GMDS: variants seen among roughly 807,000 people sequenced by gnomAD.
GMDS encodes the protein GDP-mannose 4,6-dehydratase, also known as GDP-mannose 4,6 dehydratase.
GMDS carries 20 observed loss-of-function variants against 49.9 expected under a neutral mutation model. The observed-to-expected ratio is 0.40, with a 90% CI of 0.28 to 0.58. The LOEUF (loss-of-function observed/expected upper bound fraction) is 0.58. Ranked by LOEUF, GMDS falls within the 20% of genes least tolerant of loss-of-function variation. The pLI is 0.42. For synonymous variants in GMDS, 177 were observed against 178.6 expected (o/e 0.99, Z 0.07); for missense variants, 362 against 481.4 (o/e 0.75, Z 2.32).
chr6:1,818,627 A>G lies in GMDS; in HGVS notation c.772-76041T>C, dbSNP rs1389459834. 2.6e-5 allele frequency among the ~76,000 whole-genome samples: 4 copies of G among 151,284 alleles called. No individual in the cohort carries two copies. In the East Asian group the frequency reaches 5.8e-4, roughly 22 times the overall value. ...TCATCTCAAAAAAAAAAAAAAAAAAAGTGAGCAAGGGGAGAAGAAAGGCTA... is the reference window on the plus strand; with the variant it reads ...TCATCTCAAAAAAAAAAAAAAAAAAGGTGAGCAAGGGGAGAAGAAAGGCTA... On this transcript the variant is annotated intron_variant, in intron 7 of 10. Coordinates refer to ENST00000380815, the MANE Select transcript of GMDS (RefSeq NM_001500.4).
intron 4 of GMDS, among the ~76,000 whole-genome samples, chr6:2,014,019 A>G (rs925788014): frequency 1.3e-5 from 2 of 150,080 alleles, no homozygotes; most frequent in African/African-American, 4.9e-5. Context: ...AGCTTGTCAA[A>G]AAACAAGCAA....
chr6:1,662,163 T>C (rs1764101445), intron 9 of GMDS, among the ~76,000 whole-genome samples: 1 of 152,104 alleles, frequency 6.6e-6, no homozygotes, highest in South Asian at 2.1e-4. Context: ...TTTACAGCAT[T>C]CACTTATTTA....
chr6:1,970,691 T>G (rs2628459), intron 4 of GMDS, among the ~76,000 whole-genome samples: 94,940 of 151,372 alleles, frequency 0.63, 29,810 homozygotes, highest in East Asian at 0.67. Flanking sequence ...CTGAGATGGT[T>G]ACAAAGTGTG....
chr6:1,808,155 G>A (rs1350229055), intron 7 of GMDS, among the ~76,000 whole-genome samples: 2 of 152,138 alleles, frequency 1.3e-5, no homozygotes, highest in East Asian at 3.9e-4. Context: ...AGTTCCTAAG[G>A]TGAGTCAGGT....
At chr6:2,063,481 GGAAA>G (rs1182568626) in intron 4 of GMDS, among the ~76,000 whole-genome samples, 8 of 152,020 alleles carry the variant, frequency 5.3e-5, no homozygotes, top group African/African-American at 1.7e-4. Flanking sequence ...CCTCATAATG[GGAAA>G]CTATGTAAAA....
chr6:2,168,193 T>C lies in GMDS; in HGVS notation c.103-43462A>G, dbSNP rs1777762615. Among the ~76,000 whole-genome samples the C allele has an allele frequency of 2.0e-5, 3 of 152,216 alleles. 1 individual carries two copies. The South Asian group carries it at 6.2e-4, about 32-fold the overall frequency. On this transcript the variant is annotated intron_variant, in intron 1 of 10. Coordinates refer to ENST00000380815, the MANE Select transcript of GMDS (RefSeq NM_001500.4). ...TCCCTTCCTTCCTCAGAAGGAAAGA[T>C]GTGTTAGCAACAGTCATGCTCCAAT...
At chr6:2,232,794 T>C (rs1338211683) in intron 1 of GMDS, among the ~76,000 whole-genome samples, 2 of 152,136 alleles carry the variant, frequency 1.3e-5, no homozygotes, top group African/African-American at 4.8e-5. Context: ...CTCATGCACA[T>C]CTCAGGCCTC....
chr6:1,639,817 G>A (rs1460700982), intron 9 of GMDS, among the ~76,000 whole-genome samples: 1 of 152,188 alleles, frequency 6.6e-6, no homozygotes, highest in Non-Finnish European at 1.5e-5. Context: ...GACAGAGGCT[G>A]CAGTGAGCCA....
At chr6:1,886,750 G>T (rs772976381) in intron 7 of GMDS, among the ~76,000 whole-genome samples, 18 of 152,224 alleles carry the variant, frequency 1.2e-4, no homozygotes, top group Non-Finnish European at 2.5e-4. Flanking sequence ...ATAAGAATTA[G>T]ATTTGACTCT....
chr6:2,059,338 A>G (rs1029374566), intron 4 of GMDS, among the ~76,000 whole-genome samples: 2 of 152,036 alleles, frequency 1.3e-5, no homozygotes, highest in African/African-American at 4.8e-5. Context: ...AATATTTCAC[A>G]GTTTTGCCTA....
intron 4 of GMDS, among the ~76,000 whole-genome samples, chr6:2,072,561 C>T (rs757818910): frequency 6.6e-6 from 1 of 152,086 alleles, no homozygotes; most frequent in African/African-American, 2.4e-5. Flanking sequence ...TTTGGGTGAC[C>T]AATTTCTGCA....
chr6:2,209,211 G>A (rs1779948957), intron 1 of GMDS, among the ~76,000 whole-genome samples: 1 of 152,150 alleles, frequency 6.6e-6, no homozygotes, highest in Non-Finnish European at 1.5e-5. Flanking sequence ...TAAATGATGG[G>A]AACCCAAAAT....
At position 1,927,287 on chromosome 6, in the gene GMDS, G is replaced by A. The variant is rs201049976; in HGVS notation, c.771+2816C>T. On this transcript the variant is annotated intron_variant, in intron 7 of 10. Transcript: ENST00000380815. ...GGTGTATTTTTATTCGGAGGGTAGC[G>A]TGTTGGTGTATTTTTATTCAGAGGG... Among the ~76,000 whole-genome samples, 71 of 13,828 alleles carry A rather than the reference G, an allele frequency of 5.1e-3. 1 individual carries two copies. Among genetic ancestry groups the A allele is most frequent in the African/African-American group, 0.016 (62 of 3,828 alleles). 9.1% of individuals were successfully genotyped at this position (13,828 alleles called of 152,430 possible).
At chr6:1,996,959 A>C (rs886571914) in intron 4 of GMDS, among the ~76,000 whole-genome samples, 4 of 152,034 alleles carry the variant, frequency 2.6e-5, no homozygotes, top group Non-Finnish European at 5.9e-5. Context: ...TTGTTTTTAA[A>C]GCACCATCGA....
rs762586228 is a variant in GMDS, at chr6:1,930,120, C to T, written c.754G>A (p.Ala252Thr). The change falls in exon 7 of 11, where the codon GCC (alanine) becomes ACC (threonine). Residue 252 changes from alanine to threonine, a missense_variant. By Grantham distance (58) the Ala-to-Thr change is moderately conservative. Coordinates refer to ENST00000380815, the MANE Select transcript of GMDS (RefSeq NM_001500.4). ...GTTCCTACCTCCACATAGTCCTTGGCATGGCCCCAATCTCGTTTGGCATCC... is the reference window on the plus strand; with the variant it reads ...GTTCCTACCTCCACATAGTCCTTGGTATGGCCCCAATCTCGTTTGGCATCC... The part of the protein sequence containing the change: ...NLDAKRDWGH[A>T]KDYVEAMWLM... 6.2e-7 allele frequency: 1 copy of T among 1,612,544 alleles called. No homozygotes were observed. Among genetic ancestry groups the T allele is most frequent in the South Asian group, 1.1e-5 (1 of 90,662 alleles).
chr6:2,058,542 G>C (rs1415133516), intron 4 of GMDS, among the ~76,000 whole-genome samples: 1 of 151,596 alleles, frequency 6.6e-6, no homozygotes, highest in Non-Finnish European at 1.5e-5. Flanking sequence ...AGGTAGAAAA[G>C]AATATCTTGA....
At chr6:2,084,600 G>T (rs900883520) in intron 4 of GMDS, among the ~76,000 whole-genome samples, 2 of 151,928 alleles carry the variant, frequency 1.3e-5, no homozygotes, top group South Asian at 4.1e-4. Context: ...TCCGCCTCCC[G>T]GGTTCACACC....
At chr6:2,241,784 C>T (rs1258095245) in intron 1 of GMDS, among the ~76,000 whole-genome samples, 1 of 152,182 alleles carries the variant, frequency 6.6e-6, no homozygotes. Context: ...CCTTCAGAAC[C>T]ATGAACCAAA....
chr6:1,869,902 C>A (rs1161467297), intron 7 of GMDS, among the ~76,000 whole-genome samples: 1 of 152,196 alleles, frequency 6.6e-6, no homozygotes, highest in Non-Finnish European at 1.5e-5. Flanking sequence ...ACACTCTGGA[C>A]AGGAGAGGGC....
Sources: allele counts gnomAD v4.1 joint callset (sites outside exome capture counted in the v4.1 genomes callset), GRCh38; gene constraint gnomAD v4.1.1; transcripts MANE v1.5; gene names NCBI Gene and HGNC (gene_info 2026-07-23, HGNC 2026-07-21).